SGF29: variants seen among roughly 807,000 people sequenced by gnomAD.
The protein encoded by SGF29 is SAGA-associated factor 29.
SGF29 carries 15 observed loss-of-function variants against 38.1 expected under a neutral mutation model. The ratio of observed to expected loss-of-function variants is 0.39; its 90% confidence interval spans 0.26 to 0.61. The LOEUF (loss-of-function observed/expected upper bound fraction) is 0.61, where lower values mean the gene tolerates loss of function less well. SGF29 is among the 20% of genes least tolerant of loss of function. SGF29 has a pLI of 0.49. For missense variants in SGF29, 184 were observed against 394.6 expected (o/e 0.47, Z 4.52); for synonymous variants, 151 against 160.8 (o/e 0.94, Z 0.46).
In SGF29 at chr16:28,561,270, C is replaced by T. The variant is rs188612492; in HGVS notation, c.-16+7173C>T. The stretch of plus-strand genomic sequence containing the variant: ...AGCTGGACAGGCACAGTGGCTCACG[C>T]CTGTAATCCCAGTACTTTTTGGGAG... On this transcript the variant is annotated intron_variant, in intron 1 of 9. Transcript: ENST00000317058. 2.7e-3 allele frequency among the ~76,000 whole-genome samples: 404 copies of T among 151,972 alleles called. 2 individuals carry two copies. The highest frequency in any genetic ancestry group is 4.2e-3 in the Non-Finnish European group (284 of 67,990).
rs145299206 is a variant in SGF29, at chr16:28,555,380, G to T, written c.-16+1283G>T. On this transcript the variant is annotated intron_variant, in intron 1 of 9. Transcript: ENST00000317058. Reference sequence around the variant, plus strand: ...AATCCCAGCTACTTGGGAGGCTGAGGCACAATAATCACTTAAACCCAGGAG... The same window carrying T: ...AATCCCAGCTACTTGGGAGGCTGAGTCACAATAATCACTTAAACCCAGGAG... Among the ~76,000 whole-genome samples the T allele has an allele frequency of 2.0e-4, 31 of 152,258 alleles. No individual in the cohort carries two copies. The East Asian group carries it at 6.0e-3, about 29-fold the overall frequency.
rs764637182 is a variant in SGF29, at chr16:28,591,735, A to G, written c.*29A>G. On this transcript the variant is annotated 3_prime_UTR_variant, in exon 10 of 10. Coordinates refer to ENST00000317058, the MANE Select transcript of SGF29 (RefSeq NM_138414.3). ...CGCCTGGCAGACTCGCCATCCCCCA[A>G]CGACACAGGGCAGGACAGCAGAGGA... 58 of 1,532,382 alleles carry G rather than the reference A, an allele frequency of 3.8e-5. No individual in the cohort carries two copies. Among genetic ancestry groups the G allele is most frequent in the Non-Finnish European group, 5.2e-5 (58 of 1,106,206 alleles). 94.9% of individuals were successfully genotyped at this position (1,532,382 alleles called of 1,614,324 possible).
chr16:28,564,604 T>TACAC (rs1567285719), intron 1 of SGF29, among the ~76,000 whole-genome samples: 115 of 130,410 alleles, frequency 8.8e-4, no homozygotes, highest in African/African-American at 3.3e-3. Flanking sequence ...CACATATATG[T>TACAC]GTATATATAT....
chr16:28,564,755 G>GTATATATATACA (rs1567286164), intron 1 of SGF29, among the ~76,000 whole-genome samples: 11 of 86,782 alleles, frequency 1.3e-4, no homozygotes, highest in Non-Finnish European at 2.3e-4. Flanking sequence ...GTATATATAT[G>GTATATATATACA]TATATATGTA....
chr16:28,564,777 A>ATATG (rs1464271605), intron 1 of SGF29, among the ~76,000 whole-genome samples: 8 of 87,020 alleles, frequency 9.2e-5, no homozygotes, highest in Non-Finnish European at 1.7e-4. Context: ...ATATATGTAT[A>ATATG]TATATATATA....
chr16:28,555,240 G>C (rs2046741842), intron 1 of SGF29, among the ~76,000 whole-genome samples: 1 of 151,944 alleles, frequency 6.6e-6, no homozygotes, highest in South Asian at 2.1e-4. Flanking sequence ...GAGGTGGGCA[G>C]ACTGCCTGAG....
At chr16:28,580,292 G>A (rs1174864962) in intron 1 of SGF29, among the ~76,000 whole-genome samples, 1 of 152,162 alleles carries the variant, frequency 6.6e-6, no homozygotes, top group Non-Finnish European at 1.5e-5. Context: ...TCTTATGGCT[G>A]CCATAACAAG....
chr16:28,558,343 T>C (rs955063768), intron 1 of SGF29, among the ~76,000 whole-genome samples: 3 of 151,910 alleles, frequency 2.0e-5, no homozygotes, highest in African/African-American at 7.3e-5. Context: ...CTTGACCTCT[T>C]GACCTCATGA....
At chr16:28,579,433 T>G (rs549519320) in intron 1 of SGF29, among the ~76,000 whole-genome samples, 1 of 151,184 alleles carries the variant, frequency 6.6e-6, no homozygotes, top group South Asian at 2.1e-4. Flanking sequence ...AATTTTTGTA[T>G]TTTTAGTAGA....
intron 1 of SGF29, among the ~76,000 whole-genome samples, chr16:28,562,903 CAAAA>C (rs753973229): frequency 3.9e-5 from 2 of 50,890 alleles, no homozygotes; most frequent in East Asian, 1.5e-3. Context: ...GACCCTGTCT[CAAAA>C]AAAAAAAAAA....
At chr16:28,562,994 A>T (rs2046799015) in intron 1 of SGF29, among the ~76,000 whole-genome samples, 1 of 151,756 alleles carries the variant, frequency 6.6e-6, no homozygotes, top group Admixed American at 6.6e-5. Context: ...CATAGAAAGC[A>T]GTCTTAAAAG....
At chr16:28,583,728 A>T (rs974576033) in intron 2 of SGF29, among the ~76,000 whole-genome samples, 5 of 151,806 alleles carry the variant, frequency 3.3e-5, no homozygotes, top group Non-Finnish European at 5.9e-5. Flanking sequence ...CTATTTCTGG[A>T]CTCTGAATTC....
chr16:28,589,246 G>T, intron 5 of SGF29, 82 bp downstream of exon 5: 6 of 1,433,962 alleles, frequency 4.2e-6, no homozygotes, highest in Non-Finnish European at 5.9e-6. Context: ...CCTCCTGTGG[G>T]GGCCTGTGGC....
At chr16:28,569,185 TGAAATA>T (rs1328987993) in intron 1 of SGF29, among the ~76,000 whole-genome samples, 5 of 152,216 alleles carry the variant, frequency 3.3e-5, no homozygotes, top group Non-Finnish European at 5.9e-5. Context: ...TTAAGAGTGA[TGAAATA>T]GAATATTTGG....
At chr16:28,565,111 G>A (rs1454773029) in intron 1 of SGF29, among the ~76,000 whole-genome samples, 1 of 152,014 alleles carries the variant, frequency 6.6e-6, no homozygotes, top group African/African-American at 2.4e-5. Flanking sequence ...AACAGAGCCA[G>A]CACGCGGACT....
intron 1 of SGF29, among the ~76,000 whole-genome samples, chr16:28,579,884 T>C (rs1357521041): frequency 1.3e-5 from 2 of 151,380 alleles, no homozygotes; most frequent in Non-Finnish European, 2.9e-5. Flanking sequence ...TGAGCCAAGA[T>C]CACACCACTG....
intron 1 of SGF29, among the ~76,000 whole-genome samples, chr16:28,572,377 C>G (rs62034356): frequency 4.0e-5 from 6 of 151,290 alleles, no homozygotes; most frequent in Non-Finnish European, 8.8e-5. Flanking sequence ...TCAAGCAGCT[C>G]TCCTGCCTCA....
At chr16:28,578,269 C>T (rs1238743032) in intron 1 of SGF29, among the ~76,000 whole-genome samples, 2 of 151,966 alleles carry the variant, frequency 1.3e-5, no homozygotes, top group African/African-American at 4.8e-5. Context: ...TATACAAGGT[C>T]ATGTCATCTG....
intron 1 of SGF29, among the ~76,000 whole-genome samples, chr16:28,568,460 A>G (rs1282428753): frequency 2.0e-5 from 3 of 152,116 alleles, no homozygotes; most frequent in African/African-American, 7.2e-5. Flanking sequence ...TTGTATAGCT[A>G]CTTTGCATGA....
Sources: gnomAD v4.1 joint callset for allele counts (sites outside exome capture counted in the v4.1 genomes callset) on GRCh38, gnomAD v4.1.1 for gene constraint, MANE v1.5 for transcripts, NCBI Gene and HGNC (gene_info 2026-07-23, HGNC 2026-07-21) for gene names.